The following MTHFD1L variants were observed in gnomAD, a reference collection of about 807,000 sequenced individuals.
MTHFD1L encodes the protein monofunctional C1-tetrahydrofolate synthase, mitochondrial.
A neutral mutation model predicts 119.5 loss-of-function variants in MTHFD1L; 81 were observed. The ratio of observed to expected loss-of-function variants is 0.68; its 90% CI spans 0.57 to 0.82. The LOEUF (loss-of-function observed/expected upper bound fraction) is 0.82. MTHFD1L is among the 40% of genes least tolerant of loss of function. The pLI is 0.00. For synonymous variants in MTHFD1L, 430 were observed against 475.2 expected, an observed-to-expected ratio of 0.90 and a Z score of 1.24; for missense variants, 1,125 against 1,253.4, an observed-to-expected ratio of 0.90 and a Z score of 1.55.
chr6:151,009,766 C>T, intron 20 of MTHFD1L, 53 bp from the exon 21 acceptor site: 1 of 1,603,956 alleles, frequency 6.2e-7, no homozygotes, highest in Non-Finnish European at 8.5e-7. Context: ...ATTGCCAAAA[C>T]CTACCTTTGT....
chr6:150,926,021 A>G lies in MTHFD1L; in HGVS notation c.1083-101A>G, dbSNP rs1038157508. ...GGAGAAAGGACCCCAAAGTAATTGC[A>G]TTGATTTCATCGTTGGCGTGATGTG... On this transcript the variant is annotated intron_variant, in intron 10 of 27. Transcript: ENST00000367321. This position sits in a 1 kb window ranked among gnomAD's most constrained non-coding sequence, Gnocchi z 4.3. 4.0e-6 allele frequency: 4 copies of G among 1,001,522 alleles called. No individual in the cohort carries two copies. The highest frequency in any genetic ancestry group is 5.8e-6 in the Non-Finnish European group (4 of 686,070). The allele number at this position is 1,001,522 out of a possible 1,614,324, so 62.0% of individuals were successfully genotyped here. A position where few individuals can be genotyped will look rare whatever the true frequency, so the allele number is the denominator to read the frequency against.
intron 20 of MTHFD1L, among the ~76,000 whole-genome samples, chr6:151,009,101 G>T (rs1450292360): frequency 1.4e-5 from 2 of 138,942 alleles, no homozygotes; most frequent in East Asian, 2.1e-4. Flanking sequence ...CAGCCTGGGG[G>T]ACAAGAGCGA....
chr6:150,940,795 G>A (rs895719453), intron 13 of MTHFD1L, among the ~76,000 whole-genome samples: 11 of 152,068 alleles, frequency 7.2e-5, no homozygotes, highest in Non-Finnish European at 1.6e-4. Context: ...GGTCAGGCCG[G>A]TCTTGAACTC....
At chr6:151,016,698 A>G in intron 24 of MTHFD1L, 1 of 282,212 alleles carries the variant, frequency 3.5e-6, no homozygotes, top group Non-Finnish European at 6.7e-6. Context: ...GTGTGTATAT[A>G]TACATACATA....
At chr6:150,989,991 T>C (rs1211632798) in intron 20 of MTHFD1L, among the ~76,000 whole-genome samples, 1 of 152,150 alleles carries the variant, frequency 6.6e-6, no homozygotes, top group Admixed American at 6.6e-5. Context: ...TTAAAAGCTT[T>C]TTCAAGGCCG....
chr6:151,053,300 G>A (rs1376458159), intron 26 of MTHFD1L, among the ~76,000 whole-genome samples: 1 of 152,132 alleles, frequency 6.6e-6, no homozygotes, highest in Non-Finnish European at 1.5e-5. Context: ...ACCTCCAGTA[G>A]CAAAGAGTTA....
intron 20 of MTHFD1L, among the ~76,000 whole-genome samples, chr6:150,979,177 G>A (rs995331447): frequency 6.6e-6 from 1 of 152,150 alleles, no homozygotes; most frequent in African/African-American, 2.4e-5. Flanking sequence ...GGCAGAGGCT[G>A]CAGTGAGCTG....
At chr6:150,957,443 A>G (rs1460051893) in intron 17 of MTHFD1L, among the ~76,000 whole-genome samples, 2 of 152,172 alleles carry the variant, frequency 1.3e-5, no homozygotes, top group African/African-American at 4.8e-5. Context: ...TCCTTTTTGG[A>G]TGAGTTTGTT....
chr6:150,943,148 G>A (rs550808165), intron 13 of MTHFD1L, among the ~76,000 whole-genome samples: 2 of 152,228 alleles, frequency 1.3e-5, no homozygotes, highest in South Asian at 2.1e-4. Flanking sequence ...AGGTGTGGTG[G>A]CAGGCGCCTA....
chr6:150,975,668 G>A (rs2129028779), intron 20 of MTHFD1L, among the ~76,000 whole-genome samples: 1 of 152,346 alleles, frequency 6.6e-6, no homozygotes, highest in Admixed American at 6.5e-5. Flanking sequence ...ACAGTGGGAA[G>A]GGGAAGGTGG....
chr6:151,003,763 T>C (rs987797589), intron 20 of MTHFD1L, among the ~76,000 whole-genome samples: 2 of 152,054 alleles, frequency 1.3e-5, no homozygotes, highest in Admixed American at 6.5e-5. Context: ...AATTCTGTGA[T>C]GTGAGTGTTT....
At chr6:150,934,109 G>T (rs1470919209) in intron 11 of MTHFD1L, among the ~76,000 whole-genome samples, 2 of 152,184 alleles carry the variant, frequency 1.3e-5, no homozygotes, top group Non-Finnish European at 2.9e-5. Context: ...TGGAGAACCT[G>T]GTTAAGTCAG....
chr6:151,080,671 C>T lies in MTHFD1L; in HGVS notation c.2848-11796C>T, dbSNP rs557175464. ...TAACAAAAGACCATAGACTGGGTGG[C>T]TTCAACAACAGAAGTTTATTTTATT... On this transcript the variant is annotated intron_variant, in intron 26 of 27. Transcript: ENST00000367321. 3.2e-4 allele frequency among the ~76,000 whole-genome samples: 49 copies of T among 152,306 alleles called. No individual in the cohort carries two copies. In the South Asian group the frequency reaches 9.5e-3, roughly 30 times the overall value.
At chr6:150,972,512 C>T (rs1798116702) in intron 20 of MTHFD1L, among the ~76,000 whole-genome samples, 1 of 152,188 alleles carries the variant, frequency 6.6e-6, no homozygotes, top group Non-Finnish European at 1.5e-5. Context: ...CAGATAGGCG[C>T]AGTGGCACAT....
chr6:151,035,933 G>A (rs1422740501), intron 25 of MTHFD1L, among the ~76,000 whole-genome samples: 1 of 152,162 alleles, frequency 6.6e-6, no homozygotes, highest in Non-Finnish European at 1.5e-5. Context: ...CTGAAAGACA[G>A]TTGTGATTGT....
intron 10 of MTHFD1L, among the ~76,000 whole-genome samples, chr6:150,923,547 T>TATTTATTTTTTTC (rs1225993654): frequency 7.2e-6 from 1 of 138,498 alleles, no homozygotes; most frequent in African/African-American, 2.7e-5. Context: ...ATTTTTTCTT[T>TATTTATTTTTTTC]TTTTTTTTTT....
At chr6:150,916,361 G>A (rs1185864030) in intron 8 of MTHFD1L, among the ~76,000 whole-genome samples, 1 of 141,278 alleles carries the variant, frequency 7.1e-6, no homozygotes, top group Non-Finnish European at 1.5e-5. Flanking sequence ...GGAGTGAGTG[G>A]TGTGATCTCG....
rs192617044 is a variant in MTHFD1L at position 150,892,653 on chromosome 6, C to T, written c.780+4672C>T. ...CCCCTCTACCTGGCCTACCTACCTA[C>T]GTCAGGCTCCTGTCCCACCACAAAT... On this transcript the variant is annotated intron_variant, in intron 7 of 27. Coordinates refer to ENST00000367321, the MANE Select transcript of MTHFD1L (RefSeq NM_015440.5). Among the ~76,000 whole-genome samples, 558 of 152,312 alleles carry T rather than the reference C, an allele frequency of 3.7e-3. 7 individuals are homozygous for T. Among genetic ancestry groups the T allele is most frequent in the Non-Finnish European group, 4.0e-3 (272 of 68,026 alleles).
At chr6:151,063,812 T>C (rs917073964) in intron 26 of MTHFD1L, among the ~76,000 whole-genome samples, 66 of 152,172 alleles carry the variant, frequency 4.3e-4, no homozygotes, top group African/African-American at 1.3e-3. Flanking sequence ...TGGCCTCATG[T>C]TGGAAGTTAA....
Sources: gnomAD v4.1 joint callset for allele counts (sites outside exome capture counted in the v4.1 genomes callset) on GRCh38, gnomAD v4.1.1 for gene constraint, Gnocchi (gnomAD v3.1) non-coding constraint, MANE v1.5 for transcripts, NCBI Gene and HGNC (gene_info 2026-07-23, HGNC 2026-07-21) for gene names.